Variants in SDK1 observed in about 807,000 individuals in gnomAD.
SDK1 encodes protein sidekick-1.
SDK1 carries 157 observed loss-of-function variants against 245.5 expected under a neutral mutation model. The observed-to-expected ratio is 0.64, with a 90% CI of 0.56 to 0.73. SDK1 has a LOEUF of 0.73. SDK1 is among the 30% of genes least tolerant of loss of function. The probability of loss-of-function intolerance (pLI) is 0.00; values close to 1 mark genes in which losing one functional copy is unlikely to be tolerated. For synonymous variants in SDK1, 1,647 were observed against 1,278.5 expected, an observed-to-expected ratio of 1.29 and a Z score of -6.15; for missense variants, 3,583 against 3,002.3, an observed-to-expected ratio of 1.19 and a Z score of -4.52.
rs547947483 is a variant in SDK1, at chr7:3,798,419, G to A, written c.714-23031G>A. 2.9e-4 allele frequency among the ~76,000 whole-genome samples: 44 copies of A among 151,984 alleles called. No individual in the cohort carries two copies. In the South Asian group the frequency reaches 4.2e-3, roughly 14 times the overall value. On this transcript the variant is annotated intron_variant, in intron 4 of 44. Transcript: ENST00000404826. Reference sequence around the variant, plus strand: ...TTTTTAGTAGAGACAGGGTTTCACCGTGTTAGCCATGATGGTCTTGATCTC... The same window carrying A: ...TTTTTAGTAGAGACAGGGTTTCACCATGTTAGCCATGATGGTCTTGATCTC...
chr7:3,695,461 G>T (rs577418071), intron 4 of SDK1, among the ~76,000 whole-genome samples: 44 of 152,120 alleles, frequency 2.9e-4, no homozygotes, highest in Admixed American at 1.8e-3. Flanking sequence ...TATGTTTTTT[G>T]TTATGGAGTT....
chr7:3,464,047 C>G (rs1171562133), intron 1 of SDK1, among the ~76,000 whole-genome samples: 1 of 152,142 alleles, frequency 6.6e-6, no homozygotes, highest in African/African-American at 2.4e-5. Context: ...TAAAAATAAT[C>G]AAAATCGTTG....
At chr7:4,164,482 A>C (rs928926494) in intron 32 of SDK1, among the ~76,000 whole-genome samples, 5 of 152,100 alleles carry the variant, frequency 3.3e-5, no homozygotes, top group African/African-American at 1.2e-4. Context: ...TGGAAATGCA[A>C]AGTCCCAAGT....
chr7:4,082,541 A>C (rs1190038718), intron 22 of SDK1, among the ~76,000 whole-genome samples: 2 of 151,988 alleles, frequency 1.3e-5, no homozygotes, highest in Non-Finnish European at 1.5e-5. Context: ...TCTCAAAAAA[A>C]AAAAAAAAAG....
At chr7:3,843,904 G>C (rs1780216750) in intron 5 of SDK1, among the ~76,000 whole-genome samples, 1 of 152,180 alleles carries the variant, frequency 6.6e-6, no homozygotes. Context: ...GTAATATTAT[G>C]TTGATCAAAC....
chr7:3,544,119 G>T (rs528902361), intron 1 of SDK1, among the ~76,000 whole-genome samples: 78 of 152,184 alleles, frequency 5.1e-4, no homozygotes, highest in African/African-American at 1.9e-3. Context: ...TAGACTACCT[G>T]GCCTTATAGC....
chr7:3,770,321 G>T (rs942977373), intron 4 of SDK1, among the ~76,000 whole-genome samples: 7 of 152,018 alleles, frequency 4.6e-5, no homozygotes, highest in African/African-American at 1.7e-4. Flanking sequence ...CTAAGTAATG[G>T]GTCATGGTAT....
At chr7:3,888,799 G>A (rs1307491195) in intron 5 of SDK1, among the ~76,000 whole-genome samples, 4 of 152,178 alleles carry the variant, frequency 2.6e-5, no homozygotes, top group Non-Finnish European at 4.4e-5. Flanking sequence ...AGTTATTGGT[G>A]CAGATTTCGC....
intron 1 of SDK1, among the ~76,000 whole-genome samples, chr7:3,512,670 A>G (rs1782621696): frequency 1.3e-5 from 2 of 152,164 alleles, no homozygotes; most frequent in African/African-American, 2.4e-5. Context: ...TTGTTGATGA[A>G]GTATCTATTA....
chr7:3,622,581 C>G (rs149707659), intron 2 of SDK1, among the ~76,000 whole-genome samples: 1 of 152,284 alleles, frequency 6.6e-6, no homozygotes, highest in Non-Finnish European at 1.5e-5. Context: ...TATAAGACAA[C>G]TTGCAGTCAA....
At chr7:4,069,599 C>A (rs1780118230) in intron 20 of SDK1, among the ~76,000 whole-genome samples, 1 of 152,226 alleles carries the variant, frequency 6.6e-6, no homozygotes, top group African/African-American at 2.4e-5. Context: ...TTCTGTGAAG[C>A]AAGCTTATGC....
rs1787443283 is a variant in SDK1 at position 4,253,541 on chromosome 7, T to G, written c.6381+7736T>G. On this transcript the variant is annotated intron_variant, in intron 44 of 44. Coordinates refer to ENST00000404826, the MANE Select transcript of SDK1 (RefSeq NM_152744.4). The stretch of plus-strand genomic sequence containing the variant: ...CTTTAAAATTCATTGGGTCTTATTT[T>G]AAGGCCTGGCCTATGGTCTATACTG... 2.0e-5 allele frequency among the ~76,000 whole-genome samples: 3 copies of G among 152,230 alleles called. No homozygotes were observed. The South Asian group carries it at 6.2e-4, about 31-fold the overall frequency.
intron 4 of SDK1, among the ~76,000 whole-genome samples, chr7:3,800,949 TC>T (rs1779092915): frequency 6.6e-6 from 1 of 152,192 alleles, no homozygotes; most frequent in Non-Finnish European, 1.5e-5. Context: ...CCTTTAACTT[TC>T]TTTTTTACAC....
chr7:4,006,158 G>A (rs1314911601), intron 14 of SDK1, among the ~76,000 whole-genome samples: 2 of 152,034 alleles, frequency 1.3e-5, no homozygotes, highest in Admixed American at 1.3e-4. Flanking sequence ...CTTTTTTATT[G>A]GAAAAAGCTT....
intron 7 of SDK1, among the ~76,000 whole-genome samples, chr7:3,955,842 G>GT (rs1583628721): frequency 6.6e-6 from 1 of 152,194 alleles, no homozygotes; most frequent in East Asian, 1.9e-4. Context: ...ATTTTGGAGA[G>GT]TGAGGTCATT....
intron 5 of SDK1, among the ~76,000 whole-genome samples, chr7:3,916,969 C>T (rs1212194937): frequency 1.3e-5 from 2 of 152,220 alleles, no homozygotes; most frequent in African/African-American, 4.8e-5. Context: ...AAGTGCCTGA[C>T]ATTTCACCAT....
chr7:3,945,469 C>T (rs73674358), intron 5 of SDK1, among the ~76,000 whole-genome samples: 10 of 152,020 alleles, frequency 6.6e-5, no homozygotes, highest in Middle Eastern at 3.4e-3. Context: ...TTATACTCTC[C>T]GAGACATTTA....
intron 4 of SDK1, among the ~76,000 whole-genome samples, chr7:3,698,096 G>A (rs1784627106): frequency 6.6e-6 from 1 of 152,104 alleles, no homozygotes; most frequent in South Asian, 2.1e-4. Flanking sequence ...GACAAGAAAA[G>A]CACCCCCAAA....
intron 4 of SDK1, among the ~76,000 whole-genome samples, chr7:3,805,621 A>C (rs1287062879): frequency 6.6e-6 from 1 of 152,204 alleles, no homozygotes; most frequent in African/African-American, 2.4e-5. Flanking sequence ...AGACTTATAG[A>C]GCCTTGATAG....
Sources: allele counts gnomAD v4.1 joint callset (sites outside exome capture counted in the v4.1 genomes callset), GRCh38; gene constraint gnomAD v4.1.1; transcripts MANE v1.5; gene names NCBI Gene and HGNC (gene_info 2026-07-23, HGNC 2026-07-21).